The following PTPRN2 variants were observed in gnomAD, a reference collection of about 807,000 sequenced individuals.
The protein encoded by PTPRN2 is protein tyrosine phosphatase receptor type N2.
PTPRN2 carries 74 observed loss-of-function variants against 118.8 expected under a neutral mutation model. The observed-to-expected ratio is 0.62, with a 90% CI of 0.52 to 0.76. The LOEUF is 0.76. Among genes scored for constraint, PTPRN2 ranks in the 30% least tolerant of loss-of-function variants. The pLI is 0.00. For synonymous variants in PTPRN2, 641 were observed against 608.0 expected, an observed-to-expected ratio of 1.05 and a Z score of -0.80; for missense variants, 1,481 against 1,394.4, an observed-to-expected ratio of 1.06 and a Z score of -0.99.
chr7:158,142,559 C>T (rs889423080), intron 6 of PTPRN2, among the ~76,000 whole-genome samples: 3 of 152,136 alleles, frequency 2.0e-5, no homozygotes, highest in Non-Finnish European at 2.9e-5. Context: ...ATGGAGGCCG[C>T]GTACTCTTCT....
Position 158,508,244 on chromosome 7 carries a change from G to C in PTPRN2, c.113-18459C>G, listed in dbSNP as rs116395990. On this transcript the variant is annotated intron_variant, in intron 1 of 22. Transcript: ENST00000389418. Reference sequence around the variant, plus strand: ...GGGACAGCCCCACGCTGGGCAGGGGGCAGGAGATGACACTGTGGTCATCCG... The same window carrying C: ...GGGACAGCCCCACGCTGGGCAGGGGCCAGGAGATGACACTGTGGTCATCCG... Among the ~76,000 whole-genome samples, 1,350 of 152,336 alleles carry C rather than the reference G, an allele frequency of 8.9e-3. 18 individuals carry two copies. Among genetic ancestry groups the C allele is most frequent in the African/African-American group, 0.031 (1,275 of 41,584 alleles).
intron 2 of PTPRN2, among the ~76,000 whole-genome samples, chr7:158,469,577 T>C (rs753207481): frequency 3.7e-4 from 57 of 152,322 alleles, no homozygotes; most frequent in Non-Finnish European, 3.4e-4. Flanking sequence ...CATCTTCCCC[T>C]GTGGTCAGCA....
chr7:157,886,983 C>T (rs1796490723), intron 12 of PTPRN2, among the ~76,000 whole-genome samples: 1 of 151,848 alleles, frequency 6.6e-6, no homozygotes, highest in Non-Finnish European at 1.5e-5. Flanking sequence ...CGGGCCTGTC[C>T]TGGGGCCTTC....
Position 158,529,057 on chromosome 7 carries a change from A to C in PTPRN2, c.113-39272T>G, listed in dbSNP as rs561843207. Among the ~76,000 whole-genome samples, 12 of 152,250 alleles carry C rather than the reference A, an allele frequency of 7.9e-5. No homozygotes were observed. The highest frequency in any genetic ancestry group is 7.2e-4 in the Admixed American group (11 of 15,294). ...TTTGGGATCACACAGCCAGGGGCAA[A>C]TCTCAGCTCTGCAGCCTGAGAAAAG... On this transcript the variant is annotated intron_variant, in intron 1 of 22. Coordinates refer to ENST00000389418, the MANE Select transcript of PTPRN2 (RefSeq NM_002847.5). This position sits in a 1 kb window ranked among gnomAD's most constrained non-coding sequence, Gnocchi z 4.7.
At chr7:157,642,365 G>A (rs1409480699) in intron 14 of PTPRN2, among the ~76,000 whole-genome samples, 1 of 152,190 alleles carries the variant, frequency 6.6e-6, no homozygotes, top group Non-Finnish European at 1.5e-5. Context: ...TATTAAACTC[G>A]TGTTAGGTTT....
intron 2 of PTPRN2, among the ~76,000 whole-genome samples, chr7:158,446,542 C>T (rs944269505): frequency 1.7e-4 from 26 of 152,222 alleles, no homozygotes; most frequent in African/African-American, 6.0e-4. Flanking sequence ...CCCACCCGGA[C>T]TCTGCCTGGG....
At chr7:157,892,502 T>C (rs1796866499) in intron 12 of PTPRN2, among the ~76,000 whole-genome samples, 2 of 152,214 alleles carry the variant, frequency 1.3e-5, no homozygotes, top group African/African-American at 4.8e-5. Context: ...GATATTTCCA[T>C]TTGGCTTAAA....
At chr7:158,347,483 C>A (rs536955822) in intron 2 of PTPRN2, among the ~76,000 whole-genome samples, 8 of 152,180 alleles carry the variant, frequency 5.3e-5, no homozygotes, top group Non-Finnish European at 1.0e-4. Context: ...GTTGCCAGTA[C>A]CACGTTGTTT....
In PTPRN2 at chr7:157,960,388, A is replaced by T. The variant is rs531425984; in HGVS notation, c.1724-61651T>A. 6.6e-5 allele frequency among the ~76,000 whole-genome samples: 10 copies of T among 152,362 alleles called. 1 individual carries two copies. Among genetic ancestry groups the T allele is most frequent in the African/African-American group, 2.4e-4 (10 of 41,586 alleles). The stretch of plus-strand genomic sequence containing the variant: ...ATCATTGCAAAAGAAGCATGGGAAG[A>T]ATCATAATCAGGTGCTGTTTTAAAC... On this transcript the variant is annotated intron_variant, in intron 11 of 22. Coordinates refer to ENST00000389418, the MANE Select transcript of PTPRN2 (RefSeq NM_002847.5).
chr7:157,894,910 T>C (rs1256501968), intron 12 of PTPRN2, among the ~76,000 whole-genome samples: 3 of 152,200 alleles, frequency 2.0e-5, no homozygotes, highest in Admixed American at 6.5e-5. Flanking sequence ...GACAGGAAAG[T>C]GGATCGGCTG....
At chr7:157,969,565 G>T (rs1163779917) in intron 11 of PTPRN2, among the ~76,000 whole-genome samples, 1 of 152,108 alleles carries the variant, frequency 6.6e-6, no homozygotes, top group African/African-American at 2.4e-5. Flanking sequence ...AACCTCCTGA[G>T]GTGGGGGCCA....
intron 11 of PTPRN2, among the ~76,000 whole-genome samples, chr7:157,999,060 C>A (rs114570335): frequency 0.15 from 22,748 of 151,896 alleles, 1,767 homozygotes; most frequent in Admixed American, 0.18. Context: ...CTCCGAGCGG[C>A]CGTAGGGGTC....
rs757623233 is a variant in PTPRN2 at position 158,268,203 on chromosome 7, C to T, written c.277+48616G>A. The stretch of plus-strand genomic sequence containing the variant: ...ATGCCGCCTGCAAAAGCATCAGAGC[C>T]GCGGCCGCACGCACACAGAGCGGGG... On this transcript the variant is annotated intron_variant, in intron 3 of 22. Transcript: ENST00000389418. Among the ~76,000 whole-genome samples, 3 of 152,358 alleles carry T rather than the reference C, an allele frequency of 2.0e-5. No individual in the cohort carries two copies. In the East Asian group the frequency reaches 5.8e-4, roughly 29 times the overall value.
intron 12 of PTPRN2, among the ~76,000 whole-genome samples, chr7:157,860,089 C>T (rs1460973295): frequency 1.3e-5 from 2 of 152,258 alleles, no homozygotes; most frequent in South Asian, 2.1e-4. Flanking sequence ...CATGCGGCTT[C>T]GTGATTCCTG....
chr7:157,649,289 C>T (rs1186221550), intron 14 of PTPRN2, among the ~76,000 whole-genome samples: 5 of 89,974 alleles, frequency 5.6e-5, no homozygotes, highest in Non-Finnish European at 7.6e-5. Context: ...CGGACCCATC[C>T]AGCGTGCACT....
intron 14 of PTPRN2, among the ~76,000 whole-genome samples, chr7:157,648,710 T>C (rs1158421845): frequency 3.6e-4 from 40 of 109,894 alleles, no homozygotes; most frequent in South Asian, 7.0e-4. Flanking sequence ...TCAGACCCAT[T>C]CACTGTGCAC....
At chr7:158,203,458 G>GTT (rs1399387753) in intron 4 of PTPRN2, among the ~76,000 whole-genome samples, 1 of 152,016 alleles carries the variant, frequency 6.6e-6, no homozygotes, top group East Asian at 1.9e-4. Flanking sequence ...ATTTAACGTT[G>GTT]TTTAGAAGGC....
chr7:158,356,986 C>A (rs907210499), intron 2 of PTPRN2, among the ~76,000 whole-genome samples: 1 of 152,156 alleles, frequency 6.6e-6, no homozygotes, highest in African/African-American at 2.4e-5. Flanking sequence ...GGGAGAGCGG[C>A]CTCCGTCTGG....
At chr7:157,956,349 TGGACACA>T (rs1332290100) in intron 11 of PTPRN2, among the ~76,000 whole-genome samples, 5 of 152,162 alleles carry the variant, frequency 3.3e-5, no homozygotes, top group Non-Finnish European at 7.3e-5. Flanking sequence ...ATTTGGTGTG[TGGACACA>T]GGTGTCTACC....
Sources: allele counts gnomAD v4.1 joint callset (sites outside exome capture counted in the v4.1 genomes callset), GRCh38; gene constraint gnomAD v4.1.1; non-coding constraint Gnocchi (gnomAD v3.1); transcripts MANE v1.5; gene names NCBI Gene and HGNC (gene_info 2026-07-23, HGNC 2026-07-21).